The following FLI1 variants were observed in gnomAD, a reference collection of about 807,000 sequenced individuals.
The protein encoded by FLI1 is Fli-1 proto-oncogene, ETS transcription factor, also known as Friend leukemia integration 1 transcription factor.
A neutral mutation model predicts 53.1 loss-of-function variants in FLI1; 13 were observed. The observed-to-expected ratio is 0.24, with a 90% CI of 0.16 to 0.39. FLI1 has a LOEUF of 0.39. Ranked by LOEUF, FLI1 falls within the 10% of genes least tolerant of loss-of-function variation. The pLI is 1.00. For missense variants in FLI1, 424 were observed against 600.5 expected (o/e 0.71, Z 3.07); for synonymous variants, 244 against 236.7 (o/e 1.03, Z -0.28).
At chr11:128,753,249 A>G (rs1284580614) in intron 1 of FLI1, among the ~76,000 whole-genome samples, 3 of 152,242 alleles carry the variant, frequency 2.0e-5, no homozygotes, top group Admixed American at 6.5e-5. Flanking sequence ...TGTTGGGTCA[A>G]GAAGGAACCC....
At chr11:128,761,987 G>C (rs1444366479) in intron 2 of FLI1, among the ~76,000 whole-genome samples, 1 of 152,106 alleles carries the variant, frequency 6.6e-6, no homozygotes, top group Non-Finnish European at 1.5e-5. Context: ...GAGCCAAGCA[G>C]CTTAGGCACA....
At chr11:128,764,057 G>A (rs76164243) in intron 2 of FLI1, among the ~76,000 whole-genome samples, 10,719 of 152,258 alleles carry the variant, frequency 0.07, 400 homozygotes, top group Middle Eastern at 0.12. Context: ...CTTTGGCCAC[G>A]TGAACATCAG....
intron 4 of FLI1, 56 bp from the exon 5 acceptor site, chr11:128,781,902 A>T: frequency 7.3e-7 from 1 of 1,367,528 alleles, no homozygotes; most frequent in African/African-American, 1.4e-5. Flanking sequence ...GTCATCTCCT[A>T]CTCTTGATCT....
Position 128,810,748 on chromosome 11 carries a change from G to T in FLI1, c.1119G>T (p.Pro373=), listed in dbSNP as rs768469579. Residue 373 remains proline, a synonymous_variant, in exon 9 of 9, where the codon CCG becomes CCT. Coordinates refer to ENST00000527786, the MANE Select transcript of FLI1 (RefSeq NM_002017.5). This position sits in a 1 kb window ranked among gnomAD's most constrained non-coding sequence, Gnocchi z 6.6. Reference sequence around the variant, plus strand: ...TTGCCCAGGCTCTGCAGCCACATCCGACCGAGTCGTCCATGTACAAGTACC... The same window carrying T: ...TTGCCCAGGCTCTGCAGCCACATCCTACCGAGTCGTCCATGTACAAGTACC... ...HGIAQALQPH[P]TESSMYKYPS... 1.2e-6 allele frequency: 2 copies of T among 1,613,902 alleles called. No individual in the cohort carries two copies. The highest frequency in any genetic ancestry group is 1.3e-5 in the African/African-American group (1 of 74,930).
intron 2 of FLI1, among the ~76,000 whole-genome samples, chr11:128,763,006 C>G (rs1941185187): frequency 6.6e-6 from 1 of 152,044 alleles, no homozygotes; most frequent in Non-Finnish European, 1.5e-5. Context: ...CATTCTACTT[C>G]TATTGGACAG....
At chr11:128,757,711 T>A (rs890827944) in intron 1 of FLI1, among the ~76,000 whole-genome samples, 3 of 152,128 alleles carry the variant, frequency 2.0e-5, no homozygotes, top group Non-Finnish European at 4.4e-5. Flanking sequence ...TGCTGATGAC[T>A]CCACTCAGCT....
At chr11:128,696,237 A>G (rs77368080) in intron 1 of FLI1, among the ~76,000 whole-genome samples, 1 of 152,308 alleles carries the variant, frequency 6.6e-6, no homozygotes, top group East Asian at 1.9e-4. Flanking sequence ...GCAACCTGTC[A>G]TTCACCTAAG....
chr11:128,729,578 A>C (rs1939614827), intron 1 of FLI1, among the ~76,000 whole-genome samples: 1 of 152,254 alleles, frequency 6.6e-6, no homozygotes, highest in Non-Finnish European at 1.5e-5. Context: ...TGCACCAAGC[A>C]GGCTCCAGAA....
intron 5 of FLI1, among the ~76,000 whole-genome samples, chr11:128,785,182 AT>A (rs1942044985): frequency 6.6e-6 from 1 of 152,180 alleles, no homozygotes; most frequent in Non-Finnish European, 1.5e-5. Context: ...TAGAGCAGTT[AT>A]GCTCTACCTT....
At position 128,771,371 on chromosome 11, in the gene FLI1, C is replaced by T. The variant is rs116412572; in HGVS notation, c.386-1411C>T. Among the ~76,000 whole-genome samples the T allele has an allele frequency of 1.7e-3, 256 of 152,374 alleles. 2 individuals are homozygous for T. Among genetic ancestry groups the T allele is most frequent in the African/African-American group, 5.7e-3 (237 of 41,588 alleles). On this transcript the variant is annotated intron_variant, in intron 3 of 8. Transcript: ENST00000527786. ...GGGCCTGGGCACTTTACAAAGCAGACTACTCGGGCCCTGCCACCCAGATTC... is the reference window on the plus strand; with the variant it reads ...GGGCCTGGGCACTTTACAAAGCAGATTACTCGGGCCCTGCCACCCAGATTC...
intron 1 of FLI1, among the ~76,000 whole-genome samples, chr11:128,702,354 C>A (rs1938368150): frequency 6.6e-6 from 1 of 152,188 alleles, no homozygotes; most frequent in Admixed American, 6.5e-5. Flanking sequence ...CCAAAAGAAG[C>A]AATACTCATT....
chr11:128,709,368 G>T (rs965777357), intron 1 of FLI1, among the ~76,000 whole-genome samples: 1 of 152,146 alleles, frequency 6.6e-6, no homozygotes, highest in African/African-American at 2.4e-5. Context: ...AATCTGTTGG[G>T]TTGCTTTTTT....
Position 128,812,952 on chromosome 11 carries a change from G to A in FLI1, c.*1964G>A, listed in dbSNP as rs997821383. The stretch of plus-strand genomic sequence containing the variant: ...TTACAATGAAAAGAGTGAGACCTGG[G>A]AAGTCCTTGATTTGCAAGGAATTAG... On this transcript the variant is annotated 3_prime_UTR_variant, in exon 9 of 9. Transcript: ENST00000527786. 5.9e-6 allele frequency: 1 copy of A among 169,242 alleles called. No homozygotes were observed. The highest frequency in any genetic ancestry group is 1.3e-5 in the Non-Finnish European group (1 of 78,160). The allele number at this position is 169,242 out of a possible 1,614,324, so 10.5% of individuals were successfully genotyped here. A position where few individuals can be genotyped will look rare whatever the true frequency, so the allele number is the denominator to read the frequency against.
intron 1 of FLI1, among the ~76,000 whole-genome samples, chr11:128,697,531 A>G (rs895436225): frequency 6.6e-6 from 1 of 151,330 alleles, no homozygotes; most frequent in African/African-American, 2.4e-5. Context: ...TACACATTAA[A>G]TTAACTTCAT....
At chr11:128,770,877 A>T (rs146016500) in intron 3 of FLI1, among the ~76,000 whole-genome samples, 2,249 of 152,304 alleles carry the variant, frequency 0.015, 42 homozygotes, top group Non-Finnish European at 0.018. Context: ...TGAGAGAGAG[A>T]GAGGAAGACA....
intron 1 of FLI1, among the ~76,000 whole-genome samples, chr11:128,710,418 C>T (rs751884229): frequency 9.2e-5 from 14 of 152,142 alleles, no homozygotes; most frequent in Middle Eastern, 3.4e-3. Flanking sequence ...TTCATGAGGC[C>T]GAACATTGAA....
chr11:128,717,197 AC>A (rs1461412061), intron 1 of FLI1, among the ~76,000 whole-genome samples: 3 of 151,858 alleles, frequency 2.0e-5, no homozygotes, highest in African/African-American at 7.3e-5. Flanking sequence ...TACCCTCCTC[AC>A]CCCTGCTCCA....
intron 1 of FLI1, 49 bp downstream of exon 1, chr11:128,694,325 C>A (rs1410324650): frequency 5.4e-6 from 7 of 1,294,020 alleles, no homozygotes; most frequent in South Asian, 5.0e-5. Flanking sequence ...GCCGGGGAGG[C>A]GAAGCGGCGG....
chr11:128,709,584 T>C (rs568856484), intron 1 of FLI1, among the ~76,000 whole-genome samples: 1 of 152,266 alleles, frequency 6.6e-6, no homozygotes, highest in East Asian at 1.9e-4. Context: ...GGGGTTTACG[T>C]AAAAACCGAT....
Sources: allele counts gnomAD v4.1 joint callset (sites outside exome capture counted in the v4.1 genomes callset), GRCh38; gene constraint gnomAD v4.1.1; non-coding constraint Gnocchi (gnomAD v3.1); transcripts MANE v1.5; gene names NCBI Gene and HGNC (gene_info 2026-07-23, HGNC 2026-07-21).